GPC5: variants seen among roughly 807,000 people sequenced by gnomAD.
GPC5 encodes glypican-5.
In GPC5, 47 loss-of-function variants were observed where a neutral mutation model predicts 53.9. The observed-to-expected ratio is 0.87, with a 90% CI of 0.69 to 1.11. GPC5 has a LOEUF of 1.11. Ranked by LOEUF, GPC5 falls within the 50% of genes most tolerant of loss-of-function variation. The probability of loss-of-function intolerance (pLI) is 0.00; values close to 1 mark genes in which losing one functional copy is unlikely to be tolerated. For missense variants in GPC5, 748 were observed against 713.1 expected (o/e 1.05, Z -0.56); for synonymous variants, 286 against 263.3 (o/e 1.09, Z -0.84).
In GPC5 at chr13:92,615,046, C is replaced by T. The variant is rs1054696444; in HGVS notation, c.1562-251236C>T. Among the ~76,000 whole-genome samples, 74 of 152,194 alleles carry T rather than the reference C, an allele frequency of 4.9e-4. 1 individual carries two copies. Among genetic ancestry groups the T allele is most frequent in the Admixed American group, 4.5e-3 (69 of 15,292 alleles). On this transcript the variant is annotated intron_variant, in intron 7 of 7. Transcript: ENST00000377067. ...GTAATGCTTTTCTCCTTAAAAGGGT[C>T]GTATAATTAAATCTGTAAGAATAGT... is the stretch of plus-strand genomic sequence containing the variant.
intron 7 of GPC5, among the ~76,000 whole-genome samples, chr13:92,462,756 G>A (rs972075213): frequency 2.1e-5 from 3 of 141,370 alleles, no homozygotes; most frequent in Non-Finnish European, 4.5e-5. Flanking sequence ...TTCTCTTGCT[G>A]CCCAGGCTGG....
intron 7 of GPC5, among the ~76,000 whole-genome samples, chr13:92,316,713 T>C (rs948934540): frequency 6.6e-6 from 1 of 152,132 alleles, no homozygotes; most frequent in Non-Finnish European, 1.5e-5. Context: ...CAACTCAAGA[T>C]AAATTTTCTG....
chr13:91,409,131 G>C (rs1033027890), intron 1 of GPC5, among the ~76,000 whole-genome samples: 1 of 152,068 alleles, frequency 6.6e-6, no homozygotes, highest in Non-Finnish European at 1.5e-5. Context: ...AGGTTATACC[G>C]AGCTACATTT....
intron 3 of GPC5, among the ~76,000 whole-genome samples, chr13:91,707,551 A>T (rs890392790): frequency 3.3e-5 from 5 of 152,168 alleles, no homozygotes; most frequent in African/African-American, 9.7e-5. Context: ...AGCCTGGGAC[A>T]TCCAGGCTGC....
rs1374715218 is a variant in GPC5 at position 92,843,283 on chromosome 13, A to G, written c.1562-22999A>G. 2.0e-5 allele frequency among the ~76,000 whole-genome samples: 3 copies of G among 152,290 alleles called. No individual in the cohort carries two copies. In the East Asian group the frequency reaches 5.8e-4, roughly 29 times the overall value. ...TTCCTTTTATTAAACAGTAAATGCT[A>G]AACAATCCCTTAGAAACATAGACTA... is the stretch of plus-strand genomic sequence containing the variant. On this transcript the variant is annotated intron_variant, in intron 7 of 7. Transcript: ENST00000377067.
chr13:92,361,791 C>A (rs754930285), intron 7 of GPC5, among the ~76,000 whole-genome samples: 3 of 151,746 alleles, frequency 2.0e-5, no homozygotes, highest in African/African-American at 7.3e-5. Flanking sequence ...ACAGATTATA[C>A]AATTATATGT....
At chr13:91,589,917 T>C (rs7139924) in intron 2 of GPC5, among the ~76,000 whole-genome samples, 11,391 of 152,204 alleles carry the variant, frequency 0.075, 686 homozygotes, top group South Asian at 0.25. Context: ...AGAAATTATA[T>C]TAAATACTCT....
At chr13:92,473,729 T>A (rs1482125322) in intron 7 of GPC5, among the ~76,000 whole-genome samples, 1 of 152,128 alleles carries the variant, frequency 6.6e-6, no homozygotes, top group African/African-American at 2.4e-5. Flanking sequence ...TTTAATTCCC[T>A]TACGTTTTTA....
chr13:92,815,415 T>C (rs1289272151), intron 7 of GPC5, among the ~76,000 whole-genome samples: 1 of 151,918 alleles, frequency 6.6e-6, no homozygotes, highest in Non-Finnish European at 1.5e-5. Flanking sequence ...GAAAGTTTTT[T>C]GTATTAGAGG....
At chr13:91,992,624 A>AT (rs1213045599) in intron 6 of GPC5, among the ~76,000 whole-genome samples, 1 of 151,856 alleles carries the variant, frequency 6.6e-6, no homozygotes, top group Admixed American at 6.6e-5. Context: ...TGCCTGGCTA[A>AT]TTTTTGTATT....
chr13:92,503,984 A>T (rs1880279045), intron 7 of GPC5, among the ~76,000 whole-genome samples: 1 of 151,956 alleles, frequency 6.6e-6, no homozygotes, highest in Admixed American at 6.6e-5. Context: ...TGTTTCTAAT[A>T]AAATTTAGGG....
In GPC5 at chr13:92,181,121, C is replaced by A. The variant is rs974185362; in HGVS notation, c.1561+36132C>A. Among the ~76,000 whole-genome samples, 111 of 152,068 alleles carry A rather than the reference C, an allele frequency of 7.3e-4. 2 individuals carry two copies. The highest frequency in any genetic ancestry group is 2.5e-4 in the Non-Finnish European group (17 of 67,986). On this transcript the variant is annotated intron_variant, in intron 7 of 7. Coordinates refer to ENST00000377067, the MANE Select transcript of GPC5 (RefSeq NM_004466.6). ...ACTCTTTCCTGATAGTCCACAATAG[C>A]TATAGCCAGCCTGGTTGTGGGCTAC...
At chr13:92,634,816 A>C (rs1310841783) in intron 7 of GPC5, among the ~76,000 whole-genome samples, 1 of 151,804 alleles carries the variant, frequency 6.6e-6, no homozygotes, top group African/African-American at 2.4e-5. Flanking sequence ...CTATAGCTTT[A>C]ATTCTTTTCT....
At chr13:92,679,767 T>C (rs1418955249) in intron 7 of GPC5, among the ~76,000 whole-genome samples, 1 of 152,114 alleles carries the variant, frequency 6.6e-6, no homozygotes, top group Admixed American at 6.6e-5. Flanking sequence ...CTCTTGGCCA[T>C]TGGACCATAT....
At chr13:92,036,846 T>G (rs917736231) in intron 6 of GPC5, among the ~76,000 whole-genome samples, 8 of 152,294 alleles carry the variant, frequency 5.3e-5, no homozygotes, top group African/African-American at 1.9e-4. Context: ...ACTAGTACCT[T>G]CAGTATATAA....
intron 6 of GPC5, among the ~76,000 whole-genome samples, chr13:92,109,061 G>GTTTTTTTTT (rs35762919): frequency 3.4e-5 from 3 of 87,520 alleles, no homozygotes; most frequent in East Asian, 3.8e-4. Flanking sequence ...CAATATGTTG[G>GTTTTTTTTT]TTTTTTTTTT....
intron 7 of GPC5, among the ~76,000 whole-genome samples, chr13:92,646,929 C>CGTGTGTGTGTGTGTGTGTGTGTGT (rs372426651): frequency 1.5e-5 from 2 of 135,096 alleles, no homozygotes; most frequent in Non-Finnish European, 3.2e-5. Flanking sequence ...TATATATAAA[C>CGTGTGTGTGTGTGTGTGTGTGTGT]ATGTGTGTGT....
At chr13:91,671,774 C>G (rs1293967988) in intron 2 of GPC5, among the ~76,000 whole-genome samples, 1 of 78,486 alleles carries the variant, frequency 1.3e-5, no homozygotes, top group Non-Finnish European at 2.3e-5. Context: ...CCAAGACAAT[C>G]TGAAGCAAAA....
At chr13:91,658,780 C>T (rs1256237520) in intron 2 of GPC5, among the ~76,000 whole-genome samples, 1 of 152,186 alleles carries the variant, frequency 6.6e-6, no homozygotes, top group African/African-American at 2.4e-5. Flanking sequence ...TGTGCCAGAC[C>T]CTGGATTCTC....
Sources: allele counts gnomAD v4.1 joint callset (sites outside exome capture counted in the v4.1 genomes callset), GRCh38; gene constraint gnomAD v4.1.1; transcripts MANE v1.5; gene names NCBI Gene and HGNC (gene_info 2026-07-23, HGNC 2026-07-21).